Variants in PHF14 observed in about 807,000 individuals in gnomAD.
The protein encoded by PHF14 is PHD finger protein 14.
Under a neutral mutation model 117.9 loss-of-function variants are expected in PHF14, and 55 were observed. The observed-to-expected ratio is 0.47, with a 90% CI of 0.38 to 0.58. The LOEUF (loss-of-function observed/expected upper bound fraction) is 0.58, where lower values mean the gene tolerates loss of function less well. Among genes scored for constraint, PHF14 ranks in the 20% least tolerant of loss-of-function variants. The pLI is 0.00. For missense variants in PHF14, 978 were observed against 1,122.2 expected, an observed-to-expected ratio of 0.87 and a Z score of 1.84; for synonymous variants, 409 against 368.6, an observed-to-expected ratio of 1.11 and a Z score of -1.26.
At chr7:11,060,372 C>T (rs1785180134) in intron 14 of PHF14, among the ~76,000 whole-genome samples, 1 of 151,888 alleles carries the variant, frequency 6.6e-6, no homozygotes, top group Admixed American at 6.6e-5. Context: ...TGTAAGGGGA[C>T]AGAAAATAAA....
intron 14 of PHF14, among the ~76,000 whole-genome samples, chr7:11,059,843 ATAATT>A (rs935139738): frequency 9.2e-5 from 14 of 152,270 alleles, no homozygotes; most frequent in African/African-American, 3.4e-4. Context: ...TTAGGGAAAA[ATAATT>A]TAAACTTTTT....
chr7:11,059,619 A>G (rs964417117), intron 14 of PHF14, among the ~76,000 whole-genome samples: 3 of 152,024 alleles, frequency 2.0e-5, no homozygotes, highest in African/African-American at 7.2e-5. Context: ...AGTAAAAATG[A>G]AAAGATTAGC....
At chr7:11,102,662 G>A in intron 16 of PHF14, 1 of 1,493,092 alleles carries the variant, frequency 6.7e-7, no homozygotes, top group Non-Finnish European at 8.9e-7. Flanking sequence ...GTTGCCTTTT[G>A]CTTGTCAGGT....
intron 4 of PHF14, among the ~76,000 whole-genome samples, chr7:11,009,066 A>C (rs1230622008): frequency 2.0e-5 from 3 of 151,014 alleles, no homozygotes; most frequent in Admixed American, 2.0e-4. Flanking sequence ...TTTTTTATTG[A>C]TGAGTTTCAT....
intron 17 of PHF14, among the ~76,000 whole-genome samples, chr7:11,168,228 C>T (rs1228010668): frequency 6.6e-6 from 1 of 152,066 alleles, no homozygotes. Flanking sequence ...AACCCCATTC[C>T]TGGTGTTCTA....
intron 17 of PHF14, among the ~76,000 whole-genome samples, chr7:11,114,501 G>A (rs1562473113): frequency 6.6e-6 from 1 of 151,866 alleles, no homozygotes; most frequent in African/African-American, 2.4e-5. Flanking sequence ...ATAATTTTTT[G>A]TTTTAGCACA....
intron 4 of PHF14, among the ~76,000 whole-genome samples, chr7:10,999,782 A>T (rs1782795124): frequency 6.6e-6 from 1 of 152,254 alleles, no homozygotes; most frequent in Non-Finnish European, 1.5e-5. Context: ...AGGCAGACAA[A>T]TGAGATGATC....
At chr7:11,002,025 T>G (rs1412311411) in intron 4 of PHF14, among the ~76,000 whole-genome samples, 1 of 151,726 alleles carries the variant, frequency 6.6e-6, no homozygotes, top group African/African-American at 2.4e-5. Context: ...AAATTACTCC[T>G]TATTTCTGTT....
chr7:11,065,123 A>T (rs1785380959), intron 16 of PHF14, among the ~76,000 whole-genome samples: 1 of 152,088 alleles, frequency 6.6e-6, no homozygotes, highest in Non-Finnish European at 1.5e-5. Flanking sequence ...TAAAATGATT[A>T]GATTGAAGGT....
chr7:11,091,317 G>A (rs1371924576), intron 16 of PHF14, among the ~76,000 whole-genome samples: 1 of 152,162 alleles, frequency 6.6e-6, no homozygotes, highest in African/African-American at 2.4e-5. Context: ...AATAATGGGA[G>A]AGAATGGTGA....
intron 7 of PHF14, among the ~76,000 whole-genome samples, chr7:11,032,031 G>T (rs1784137573): frequency 6.6e-6 from 1 of 152,088 alleles, no homozygotes; most frequent in Admixed American, 6.5e-5. Flanking sequence ...AAGCCAAGGA[G>T]GATCTCTTGA....
intron 4 of PHF14, among the ~76,000 whole-genome samples, chr7:10,991,199 G>T (rs1265012028): frequency 6.6e-6 from 1 of 151,746 alleles, no homozygotes; most frequent in Non-Finnish European, 1.5e-5. Flanking sequence ...TATTATTTTT[G>T]AGATGATGTC....
Position 11,128,705 on chromosome 7 carries a change from C to G in PHF14, c.2772+17238C>G, listed in dbSNP as rs554976422. 2.6e-5 allele frequency among the ~76,000 whole-genome samples: 4 copies of G among 151,704 alleles called. No individual in the cohort carries two copies. The South Asian group carries it at 8.3e-4, about 32-fold the overall frequency. ...GTAAATCAGTCTCTCTCTCTCCCCC[C>G]GCCCCCACTGCTTTCCTCCCGTTCT... is the stretch of plus-strand genomic sequence containing the variant. On this transcript the variant is annotated intron_variant, in intron 17 of 17. Transcript: ENST00000634607.
At chr7:11,106,820 G>GT (rs1449484001) in intron 16 of PHF14, 15 of 983,792 alleles carry the variant, frequency 1.5e-5, no homozygotes, top group Admixed American at 6.2e-5. Context: ...TGGATATTTA[G>GT]TTTTTTTTAA....
Position 11,036,473 on chromosome 7 carries a change from C to T in PHF14, c.1658C>T (p.Ser553Phe), listed in dbSNP as rs1784330032. ...QYRAKAELAR[S>F]TRPQAWVPRE... The stretch of plus-strand genomic sequence containing the variant: ...CGTGCCAAAGCAGAACTAGCTCGAT[C>T]TACCAGACCCCAGGCCTGGGTTCCA... The change falls in exon 9 of 18, where the codon TCT (serine) becomes TTT (phenylalanine). Residue 553 changes from serine to phenylalanine, a missense_variant. Ser to Phe is a radical substitution (Grantham distance 155). This residue lies in a region of PHF14 where 237 missense variants were observed against 276.4 expected (regional missense o/e 0.86). Coordinates refer to ENST00000634607, the MANE Select transcript of PHF14 (RefSeq NM_001007157.2). The T allele has an allele frequency of 6.2e-7, 1 of 1,613,644 alleles. No homozygotes were observed. Among genetic ancestry groups the T allele is most frequent in the African/African-American group, 1.3e-5 (1 of 74,928 alleles).
chr7:11,113,254 G>A (rs902772915), intron 17 of PHF14, among the ~76,000 whole-genome samples: 1 of 152,006 alleles, frequency 6.6e-6, no homozygotes, highest in African/African-American at 2.4e-5. Flanking sequence ...AATGAACATT[G>A]AAAAGGCAAG....
At chr7:11,126,673 T>A (rs1478316734) in intron 17 of PHF14, among the ~76,000 whole-genome samples, 2 of 151,824 alleles carry the variant, frequency 1.3e-5, no homozygotes, top group Non-Finnish European at 2.9e-5. Context: ...CAAGTATGTT[T>A]ATGTTCTTTT....
chr7:10,983,709 C>A (rs538086337), intron 3 of PHF14, among the ~76,000 whole-genome samples: 1 of 152,114 alleles, frequency 6.6e-6, no homozygotes, highest in Non-Finnish European at 1.5e-5. Context: ...GTGTATGGGA[C>A]ATACACATAA....
intron 16 of PHF14, among the ~76,000 whole-genome samples, chr7:11,075,957 C>G (rs114614781): frequency 6.6e-6 from 1 of 151,960 alleles, no homozygotes; most frequent in Non-Finnish European, 1.5e-5. Flanking sequence ...CGATGAAACC[C>G]CGTCTCTACC....
Sources: gnomAD v4.1 joint callset for allele counts (sites outside exome capture counted in the v4.1 genomes callset) on GRCh38, gnomAD v4.1.1 for gene constraint, gnomAD v4.1.1 regional missense constraint, MANE v1.5 for transcripts, NCBI Gene and HGNC (gene_info 2026-07-23, HGNC 2026-07-21) for gene names.